Variants in PPP2R1B observed in about 807,000 individuals in gnomAD.
PPP2R1B encodes serine/threonine-protein phosphatase 2A 65 kDa regulatory subunit A beta isoform.
In PPP2R1B, 58 loss-of-function variants were observed where a neutral mutation model predicts 72.7. The observed-to-expected ratio is 0.80, with a 90% confidence interval of 0.65 to 0.99. The LOEUF (loss-of-function observed/expected upper bound fraction) is 0.99. Among genes scored for constraint, PPP2R1B ranks in the 50% least tolerant of loss-of-function variants. The pLI is 0.00. For synonymous variants in PPP2R1B, 256 were observed against 264.6 expected, an observed-to-expected ratio of 0.97 and a Z score of 0.32; for missense variants, 695 against 733.6, an observed-to-expected ratio of 0.95 and a Z score of 0.61.
In PPP2R1B at chr11:111,755,279, A is replaced by C; in HGVS notation, c.843+16T>G. 1 of 1,593,570 alleles carries C rather than the reference A, an allele frequency of 6.3e-7. No individual in the cohort carries two copies. Among genetic ancestry groups the C allele is most frequent in the African/African-American group, 1.4e-5 (1 of 73,876 alleles). On this transcript the variant is annotated intron_variant, in intron 6 of 14. Transcript: ENST00000527614. ...TTCAGGTTTATTTCCTTAGTACTTA[A>C]AAATGATCACTTTACCTCTGAAAAT...
the PPP2R1B span, among the ~76,000 whole-genome samples, chr11:111,689,324 A>G: frequency 7.9e-5 from 12 of 152,224 alleles, 1 homozygote; most frequent in Non-Finnish European, 1.2e-4. Flanking sequence ...AATTGGGATA[A>G]CATGATTAGA....
downstream of PPP2R1B, chr11:111,724,463 T>A: frequency 3.3e-6 from 1 of 306,586 alleles, no homozygotes; most frequent in Non-Finnish European, 6.1e-6. Flanking sequence ...TTACATCCGT[T>A]TATTATCAAG....
chr11:111,733,924 C>G (rs1026618132), downstream of PPP2R1B, among the ~76,000 whole-genome samples: 1 of 152,192 alleles, frequency 6.6e-6, no homozygotes, highest in African/African-American at 2.4e-5. Flanking sequence ...GAGCCACCAC[C>G]TGGCCACCCT....
downstream of PPP2R1B, among the ~76,000 whole-genome samples, chr11:111,737,113 C>A (rs1277330018): frequency 1.3e-5 from 2 of 152,154 alleles, no homozygotes; most frequent in Non-Finnish European, 2.9e-5. Context: ...GTGGGAACAG[C>A]CCCTTTTTAC....
Position 111,740,988 on chromosome 11 carries a change from G to A in PPP2R1B, c.*608C>T, listed in dbSNP as rs117748031. The A allele has an allele frequency of 5.1e-6, 5 of 985,594 alleles. No homozygotes were observed. Among genetic ancestry groups the A allele is most frequent in the Non-Finnish European group, 6.0e-6 (5 of 830,170 alleles). 61.1% of individuals were successfully genotyped at this position (985,594 alleles called of 1,614,324 possible). On this transcript the variant is annotated 3_prime_UTR_variant, in exon 15 of 15. Transcript: ENST00000527614. ...CACTTCAGGTTTCTGAATGACATGA[G>A]TACAGACAAAATTGAGCAAATAAAA...
intron 11 of PPP2R1B, among the ~76,000 whole-genome samples, chr11:111,744,676 G>A (rs1283586577): frequency 1.3e-5 from 2 of 152,066 alleles, no homozygotes; most frequent in Non-Finnish European, 2.9e-5. Context: ...AACCTTCCTG[G>A]GATGATAGGA....
chr11:111,697,057 AT>A, the PPP2R1B span, among the ~76,000 whole-genome samples: 9 of 152,288 alleles, frequency 5.9e-5, no homozygotes, highest in Non-Finnish European at 1.0e-4. Context: ...AAAAATAACT[AT>A]TTTTGACATG....
chr11:111,761,262 G>C, intron 3 of PPP2R1B: 2 of 672,228 alleles, frequency 3.0e-6, no homozygotes, highest in Non-Finnish European at 5.5e-6. Flanking sequence ...CCAAGATCTC[G>C]TGTCCCAGAT....
downstream of PPP2R1B, among the ~76,000 whole-genome samples, chr11:111,737,210 A>G (rs1944364627): frequency 6.6e-6 from 1 of 152,178 alleles, no homozygotes. Flanking sequence ...GCCTCAAGCT[A>G]CAAGAGTGAC....
At chr11:111,697,283 G>A in the PPP2R1B span, among the ~76,000 whole-genome samples, 2 of 152,144 alleles carry the variant, frequency 1.3e-5, no homozygotes, top group Admixed American at 1.3e-4. Context: ...ACATAGTAAA[G>A]CACTTTTAAG....
the PPP2R1B span, among the ~76,000 whole-genome samples, chr11:111,717,358 A>T: frequency 2.8e-5 from 4 of 142,590 alleles, no homozygotes; most frequent in African/African-American, 1.0e-4. Flanking sequence ...AACATGACTG[A>T]TCATTAGAGA....
downstream of PPP2R1B, among the ~76,000 whole-genome samples, chr11:111,722,277 G>C (rs574400533): frequency 5.3e-5 from 8 of 152,222 alleles, no homozygotes; most frequent in Admixed American, 2.6e-4. This position sits in a 1 kb window ranked among gnomAD's most constrained non-coding sequence, Gnocchi z 4.4. Flanking sequence ...ATTTCTACAT[G>C]GGCTTTCTAT....
chr11:111,746,888 C>T (rs1230424491), intron 11 of PPP2R1B, among the ~76,000 whole-genome samples: 1 of 152,056 alleles, frequency 6.6e-6, no homozygotes, highest in Non-Finnish European at 1.5e-5. Flanking sequence ...TATATAAGCC[C>T]TTATACATTT....
chr11:111,747,325 C>G (rs984307902), intron 11 of PPP2R1B, among the ~76,000 whole-genome samples: 4 of 152,204 alleles, frequency 2.6e-5, no homozygotes, highest in Non-Finnish European at 5.9e-5. Context: ...TGAAGCCTCA[C>G]CAGGAAGTCA....
At chr11:111,741,707 CA>C in intron 14 of PPP2R1B, 95 bp from the exon 15 acceptor site, 1 of 1,351,344 alleles carries the variant, frequency 7.4e-7, no homozygotes, top group Non-Finnish European at 1.0e-6. Flanking sequence ...CCAAACGTAT[CA>C]AACTAACAAC....
chr11:111,719,769 G>A, the PPP2R1B span: 157 of 1,611,762 alleles, frequency 9.7e-5, no homozygotes, highest in Middle Eastern at 1.6e-4. Context: ...CTCCCCTGGC[G>A]TTTAGGTCAA....
At chr11:111,704,353 C>G in the PPP2R1B span, among the ~76,000 whole-genome samples, 6 of 152,120 alleles carry the variant, frequency 3.9e-5, no homozygotes. Context: ...TTTCTCTGTT[C>G]CCTCAATATC....
At chr11:111,727,124 T>C in intron 15 of PPP2R1B, 1 of 1,413,652 alleles carries the variant, frequency 7.1e-7, no homozygotes. Context: ...CCGGTGACAC[T>C]GACCGTCCCC....
intron 8 of PPP2R1B, 81 bp from the exon 9 acceptor site, chr11:111,753,658 G>GA: frequency 5.6e-6 from 8 of 1,418,920 alleles, no homozygotes; most frequent in Admixed American, 2.3e-5. Flanking sequence ...ACAGAGTCTT[G>GA]CTCTGTTGCC....
Sources: gnomAD v4.1 joint callset for allele counts (sites outside exome capture counted in the v4.1 genomes callset) on GRCh38, gnomAD v4.1.1 for gene constraint, Gnocchi (gnomAD v3.1) non-coding constraint, MANE v1.5 for transcripts, NCBI Gene and HGNC (gene_info 2026-07-23, HGNC 2026-07-21) for gene names.